Variants in SPTLC3 observed in about 807,000 individuals in gnomAD.
SPTLC3 encodes the protein serine palmitoyltransferase long chain base subunit 3, also known as serine palmitoyltransferase 3.
SPTLC3 carries 36 observed loss-of-function variants against 59.3 expected under a neutral mutation model. The ratio of observed to expected loss-of-function variants is 0.61; its 90% CI spans 0.47 to 0.80. The LOEUF (loss-of-function observed/expected upper bound fraction) is 0.80, where lower values mean the gene tolerates loss of function less well. SPTLC3 is among the 30% of genes least tolerant of loss of function. SPTLC3 has a pLI of 0.00. For synonymous variants in SPTLC3, 257 were observed against 240.8 expected (o/e 1.07, Z -0.62); for missense variants, 625 against 685.1 (o/e 0.91, Z 0.98).
intron 1 of SPTLC3, among the ~76,000 whole-genome samples, chr20:13,047,747 A>T (rs925444253): frequency 1.4e-4 from 21 of 152,130 alleles, no homozygotes; most frequent in Non-Finnish European, 2.9e-4. Flanking sequence ...AAAACAGAAA[A>T]TTTTTTAAAC....
At chr20:13,023,265 GCACA>G (rs34054687) in intron 1 of SPTLC3, among the ~76,000 whole-genome samples, 30,374 of 144,984 alleles carry the variant, frequency 0.21, 3,442 homozygotes, top group South Asian at 0.39. Context: ...CTGCACATGT[GCACA>G]CACACACACA....
At chr20:13,129,655 A>G (rs190553182) in intron 9 of SPTLC3, among the ~76,000 whole-genome samples, 6 of 152,224 alleles carry the variant, frequency 3.9e-5, no homozygotes, top group Non-Finnish European at 7.3e-5. Flanking sequence ...CAGTTGCTTT[A>G]CATGTATGCA....
At chr20:13,069,724 C>T (rs1988369348) in intron 2 of SPTLC3, among the ~76,000 whole-genome samples, 1 of 152,168 alleles carries the variant, frequency 6.6e-6, no homozygotes, top group Non-Finnish European at 1.5e-5. Flanking sequence ...TGTGGCCCCT[C>T]TAGCCCTGGT....
intron 2 of SPTLC3, among the ~76,000 whole-genome samples, chr20:13,055,124 G>C (rs1316410532): frequency 1.3e-5 from 2 of 151,844 alleles, no homozygotes; most frequent in Non-Finnish European, 2.9e-5. Context: ...AGGAAAATAG[G>C]GGAATCTCAA....
intron 1 of SPTLC3, among the ~76,000 whole-genome samples, chr20:13,016,157 A>G (rs966193076): frequency 6.6e-6 from 1 of 152,138 alleles, no homozygotes; most frequent in African/African-American, 2.4e-5. Flanking sequence ...TTTGAAATAC[A>G]AAAGGTAAGG....
intron 9 of SPTLC3, among the ~76,000 whole-genome samples, chr20:13,139,764 T>C (rs1568623376): frequency 6.6e-6 from 1 of 152,230 alleles, no homozygotes; most frequent in Non-Finnish European, 1.5e-5. Flanking sequence ...CATTCTTTCC[T>C]CCGACTTTCT....
intron 2 of SPTLC3, among the ~76,000 whole-genome samples, chr20:13,058,630 G>A (rs1037354245): frequency 2.6e-5 from 4 of 152,146 alleles, no homozygotes; most frequent in Non-Finnish European, 2.9e-5. Flanking sequence ...ATTCTCATCC[G>A]CATACAAAAT....
intron 9 of SPTLC3, among the ~76,000 whole-genome samples, chr20:13,145,310 G>A (rs938481491): frequency 2.6e-5 from 4 of 152,040 alleles, no homozygotes; most frequent in African/African-American, 9.7e-5. Context: ...CAAAATCAAT[G>A]TACTAAAATC....
intron 7 of SPTLC3, 23 bp downstream of exon 7, chr20:13,110,240 T>A (rs994781569): frequency 1.9e-6 from 3 of 1,602,300 alleles, no homozygotes; most frequent in Non-Finnish European, 2.6e-6. Context: ...CAGGACACAT[T>A]TTACGACTCG....
intron 6 of SPTLC3, among the ~76,000 whole-genome samples, chr20:13,099,254 A>C (rs543228286): frequency 6.6e-6 from 1 of 152,186 alleles, no homozygotes; most frequent in Non-Finnish European, 1.5e-5. Context: ...AAGATGAAAG[A>C]AGACCACAAG....
chr20:13,126,723 A>G lies in SPTLC3; in HGVS notation c.1279+6A>G, dbSNP rs1448743868. The stretch of plus-strand genomic sequence containing the variant: ...ACTGGATGGGACCACTCAAGGTAAG[A>G]GGATCTGCAGAGAGCACAGCTCCTG... On this transcript the variant is annotated splice_donor_region_variant and intron_variant, in intron 9 of 11. Transcript: ENST00000399002. 8.1e-6 allele frequency: 13 copies of G among 1,613,702 alleles called. No individual in the cohort carries two copies. Among genetic ancestry groups the G allele is most frequent in the Non-Finnish European group, 1.1e-5 (13 of 1,179,840 alleles).
intron 4 of SPTLC3, among the ~76,000 whole-genome samples, chr20:13,086,460 A>G (rs919669968): frequency 1.3e-5 from 2 of 152,216 alleles, no homozygotes; most frequent in African/African-American, 4.8e-5. Flanking sequence ...ATCCTCAGCC[A>G]TCCTAGGAAT....
intron 9 of SPTLC3, among the ~76,000 whole-genome samples, chr20:13,145,272 T>C (rs914210143): frequency 7.2e-5 from 11 of 152,142 alleles, no homozygotes; most frequent in African/African-American, 2.7e-4. Flanking sequence ...CCTCAGCTGA[T>C]AAACGACTTC....
chr20:13,159,446 C>T (rs35870088), intron 10 of SPTLC3, among the ~76,000 whole-genome samples: 3,229 of 152,180 alleles, frequency 0.021, 47 homozygotes, highest in Non-Finnish European at 0.033. Context: ...TAATCTTTGG[C>T]GCTGCAGTGG....
chr20:13,029,895 C>A lies in SPTLC3; in HGVS notation c.118-19050C>A, dbSNP rs6109658. 5.8e-3 allele frequency among the ~76,000 whole-genome samples: 883 copies of A among 152,294 alleles called. 11 individuals are homozygous for A. Among genetic ancestry groups the A allele is most frequent in the African/African-American group, 0.02 (845 of 41,580 alleles). ...CAGCTGCTGAATCCTTGGCAAGTTT[C>A]TCTCTTTCTAGGTCAGAGAGCCTTC... is the stretch of plus-strand genomic sequence containing the variant. On this transcript the variant is annotated intron_variant, in intron 1 of 11. Transcript: ENST00000399002.
At chr20:13,062,092 A>G (rs1423073646) in intron 2 of SPTLC3, among the ~76,000 whole-genome samples, 1 of 152,190 alleles carries the variant, frequency 6.6e-6, no homozygotes, top group Non-Finnish European at 1.5e-5. Context: ...CCACTTACAT[A>G]GCCCTCTGCC....
At chr20:13,063,200 C>T (rs1988040037) in intron 2 of SPTLC3, among the ~76,000 whole-genome samples, 1 of 152,158 alleles carries the variant, frequency 6.6e-6, no homozygotes, top group South Asian at 2.1e-4. Flanking sequence ...TTTAAATATA[C>T]TTTTTAGTTC....
chr20:13,114,618 T>C (rs1432380114), intron 7 of SPTLC3, among the ~76,000 whole-genome samples: 1 of 152,258 alleles, frequency 6.6e-6, no homozygotes, highest in Non-Finnish European at 1.5e-5. Context: ...AATTTAAGGA[T>C]TGAGAACTTC....
intron 2 of SPTLC3, among the ~76,000 whole-genome samples, chr20:13,054,556 T>C (rs912609796): frequency 2.0e-5 from 3 of 152,116 alleles, no homozygotes; most frequent in Non-Finnish European, 4.4e-5. Flanking sequence ...GAGTTAGAGA[T>C]GGTTGATTTG....
Sources: allele counts gnomAD v4.1 joint callset (sites outside exome capture counted in the v4.1 genomes callset), GRCh38; gene constraint gnomAD v4.1.1; transcripts MANE v1.5; gene names NCBI Gene and HGNC (gene_info 2026-07-23, HGNC 2026-07-21).